Variants in PSMA1 observed in about 807,000 individuals in gnomAD.
PSMA1 encodes proteasome 20S subunit alpha 1.
Under a neutral mutation model 38.4 loss-of-function variants are expected in PSMA1, and 3 were observed. That is an observed-to-expected ratio of 0.08 (90% CI 0.04 to 0.20). The LOEUF is 0.20. PSMA1 is among the 10% of genes least tolerant of loss of function. PSMA1 has a pLI of 1.00. For missense variants in PSMA1, 227 were observed against 325.3 expected (o/e 0.70, Z 2.32); for synonymous variants, 101 against 107.1 (o/e 0.94, Z 0.35).
intron 2 of PSMA1, among the ~76,000 whole-genome samples, chr11:14,559,365 T>C (rs1362380964): frequency 6.6e-6 from 1 of 152,178 alleles, no homozygotes; most frequent in African/African-American, 2.4e-5. Flanking sequence ...AGAAACAAGA[T>C]GGTGACTGCT....
At chr11:14,516,084 C>T (rs1851421649) in intron 4 of PSMA1, among the ~76,000 whole-genome samples, 1 of 151,780 alleles carries the variant, frequency 6.6e-6, no homozygotes, top group South Asian at 2.1e-4. Context: ...GTGGCACATG[C>T]TTGTAGTCCC....
chr11:14,634,972 A>G (rs1395196714), intron 1 of PSMA1, among the ~76,000 whole-genome samples: 2 of 152,204 alleles, frequency 1.3e-5, no homozygotes, highest in East Asian at 3.8e-4. Context: ...CATTTTTAGT[A>G]AAGATTTAGT....
intron 2 of PSMA1, among the ~76,000 whole-genome samples, chr11:14,604,478 C>T (rs1852619259): frequency 6.6e-6 from 1 of 152,136 alleles, no homozygotes; most frequent in Non-Finnish European, 1.5e-5. Context: ...CAATTTTAGT[C>T]CATTCCTTGT....
At chr11:14,507,201 C>G (rs1851257948) in intron 9 of PSMA1, among the ~76,000 whole-genome samples, 1 of 151,394 alleles carries the variant, frequency 6.6e-6, no homozygotes. Context: ...CAGAGTCTCT[C>G]TCTGTCGCCC....
chr11:14,521,038 G>A (rs966459531), upstream of PSMA1, among the ~76,000 whole-genome samples: 1 of 152,090 alleles, frequency 6.6e-6, no homozygotes, highest in Admixed American at 6.6e-5. Flanking sequence ...CCAAAACCAA[G>A]CATGGTACCT....
intron 1 of PSMA1, among the ~76,000 whole-genome samples, chr11:14,625,238 C>G (rs950292215): frequency 1.3e-4 from 20 of 152,326 alleles, no homozygotes; most frequent in African/African-American, 4.6e-4. Context: ...CACCTGAAGT[C>G]AGGAGTTTGA....
intron 2 of PSMA1, among the ~76,000 whole-genome samples, chr11:14,598,837 T>C (rs1852539285): frequency 6.6e-6 from 1 of 151,952 alleles, no homozygotes; most frequent in Non-Finnish European, 1.5e-5. Flanking sequence ...TTCCTAGCAT[T>C]GATGATCTTC....
intron 2 of PSMA1, among the ~76,000 whole-genome samples, chr11:14,600,879 C>T (rs1160658556): frequency 2.0e-5 from 3 of 152,206 alleles, no homozygotes; most frequent in Admixed American, 2.0e-4. Flanking sequence ...TCTTGGAATG[C>T]TCCAACATTT....
chr11:14,629,969 T>C (rs1421114366), intron 1 of PSMA1, among the ~76,000 whole-genome samples: 3 of 152,278 alleles, frequency 2.0e-5, no homozygotes, highest in South Asian at 4.1e-4. Context: ...GCTCTCCGTC[T>C]GTTGTTGGTG....
At chr11:14,578,502 A>G (rs1441193194) in intron 2 of PSMA1, among the ~76,000 whole-genome samples, 2 of 152,242 alleles carry the variant, frequency 1.3e-5, no homozygotes, top group African/African-American at 4.8e-5. Flanking sequence ...TAGGAAGAAG[A>G]CTAACTGATT....
At chr11:14,606,912 G>C (rs1852650486) in intron 2 of PSMA1, among the ~76,000 whole-genome samples, 1 of 152,160 alleles carries the variant, frequency 6.6e-6, no homozygotes, top group African/African-American at 2.4e-5. Flanking sequence ...GGGAATAATA[G>C]GCTTACTGAC....
intron 2 of PSMA1, among the ~76,000 whole-genome samples, chr11:14,601,566 G>T (rs982492219): frequency 6.6e-6 from 1 of 152,152 alleles, no homozygotes; most frequent in Non-Finnish European, 1.5e-5. Context: ...CTGGGTGAAT[G>T]GAGGCTTAAT....
At chr11:14,631,486 T>G (rs1227374913) in intron 1 of PSMA1, among the ~76,000 whole-genome samples, 2 of 152,152 alleles carry the variant, frequency 1.3e-5, no homozygotes, top group South Asian at 2.1e-4. Flanking sequence ...TTGAGTGAGA[T>G]TCTTAATCCT....
At chr11:14,544,879 G>A (rs1851809048) in intron 2 of PSMA1, among the ~76,000 whole-genome samples, 1 of 152,162 alleles carries the variant, frequency 6.6e-6, no homozygotes, top group Non-Finnish European at 1.5e-5. Context: ...ACTTGTACAT[G>A]AATGTTCATA....
At chr11:14,641,020 G>C (rs1015546282) in intron 1 of PSMA1, among the ~76,000 whole-genome samples, 2 of 152,132 alleles carry the variant, frequency 1.3e-5, no homozygotes, top group Admixed American at 1.3e-4. Flanking sequence ...AGAGTGGAGA[G>C]ATCCACTAAG....
rs1197575420 is a variant in PSMA1 at position 14,519,049 on chromosome 11, T to G, written c.4-8A>C. The G allele has an allele frequency of 6.4e-7, 1 of 1,565,536 alleles. No homozygotes were observed. The highest frequency in any genetic ancestry group is 8.7e-7 in the Non-Finnish European group (1 of 1,145,328). ...GTCATACTGATTTCGAAACTAAAAG[T>G]AAAAGAAAAAAATACCTGTTAATAG... is the stretch of plus-strand genomic sequence containing the variant. On this transcript the variant is annotated splice_region_variant and splice_polypyrimidine_tract_variant and intron_variant, in intron 1 of 9. Coordinates refer to ENST00000396394, the MANE Select transcript of PSMA1 (RefSeq NM_002786.4).
intron 1 of PSMA1, among the ~76,000 whole-genome samples, chr11:14,621,206 T>C (rs1236288877): frequency 6.6e-6 from 1 of 152,212 alleles, no homozygotes; most frequent in Non-Finnish European, 1.5e-5. Flanking sequence ...TTCAAGATCA[T>C]GTTTTGCTTT....
At chr11:14,510,850 A>G (rs1003913864) in intron 8 of PSMA1, 22 bp downstream of exon 8, 2 of 1,545,560 alleles carry the variant, frequency 1.3e-6, no homozygotes, top group African/African-American at 2.8e-5. Flanking sequence ...TAATATCTAC[A>G]ATTGGAAAAG....
At chr11:14,513,017 G>C (rs1020038569) in intron 7 of PSMA1, among the ~76,000 whole-genome samples, 2 of 152,122 alleles carry the variant, frequency 1.3e-5, no homozygotes, top group African/African-American at 4.8e-5. Context: ...AGAATGCTTT[G>C]TCACCAGAAA....
Sources: allele counts gnomAD v4.1 joint callset (sites outside exome capture counted in the v4.1 genomes callset), GRCh38; gene constraint gnomAD v4.1.1; transcripts MANE v1.5; gene names NCBI Gene and HGNC (gene_info 2026-07-23, HGNC 2026-07-21).